SCAP: variants seen among roughly 807,000 people sequenced by gnomAD.
SCAP encodes sterol regulatory element-binding protein cleavage-activating protein.
In SCAP, 65 loss-of-function variants were observed where a neutral mutation model predicts 123.6. That is an observed-to-expected ratio of 0.53 (90% CI 0.43 to 0.65). SCAP has a LOEUF of 0.65. Ranked by LOEUF, SCAP falls within the 30% of genes least tolerant of loss-of-function variation. The pLI, the probability that SCAP is intolerant of heterozygous loss-of-function variation, is 0.00. For synonymous variants in SCAP, 740 were observed against 726.3 expected (o/e 1.02, Z -0.30); for missense variants, 1,398 against 1,712.5 (o/e 0.82, Z 3.24).
chr3:47,459,051 C>T (rs571775627), intron 1 of SCAP, among the ~76,000 whole-genome samples: 22 of 152,306 alleles, frequency 1.4e-4, no homozygotes, highest in Admixed American at 1.3e-3. Context: ...GTGATCTGCC[C>T]GCCTTGGCCT....
intron 1 of SCAP, among the ~76,000 whole-genome samples, chr3:47,473,084 A>AAAAAAAAAAAAAAAAAACAAAC (rs1368757741): frequency 1.9e-4 from 27 of 144,096 alleles, no homozygotes; most frequent in Non-Finnish European, 3.2e-4. Flanking sequence ...CCATCTCAAA[A>AAAAAAAAAAAAAAAAAACAAAC]AAAAAAAAAA....
At position 47,420,577 on chromosome 3, in the gene SCAP, G is replaced by A. The variant is rs1248501084; in HGVS notation, c.1540C>T (p.Arg514Cys). Reference sequence around the variant, plus strand: ...ACCATGATGAGGCGCTGTGCCAGGCGGGTGCGGGCCAGGAAGTAGACAACA... The same window carrying A: ...ACCATGATGAGGCGCTGTGCCAGGCAGGTGCGGGCCAGGAAGTAGACAACA... The part of the protein sequence containing the change: ...LRVVYFLART[R>C]LAQRLIMAGT... The change falls in exon 12 of 23, where the codon CGC (arginine) becomes TGC (cysteine). Residue 514 changes from arginine to cysteine, a missense_variant. Transcript: ENST00000265565. The surrounding 1 kb of genome is among the most constrained non-coding windows in gnomAD (Gnocchi z 5.0). 1.2e-6 allele frequency: 2 copies of A among 1,607,752 alleles called. No homozygotes were observed. The highest frequency in any genetic ancestry group is 1.1e-5 in the South Asian group (1 of 90,608).
intron 2 of SCAP, among the ~76,000 whole-genome samples, chr3:47,442,345 A>G (rs898360033): frequency 6.6e-6 from 1 of 152,162 alleles, no homozygotes; most frequent in African/African-American, 2.4e-5. Context: ...AGCTCTCACA[A>G]CTGTCCTTGG....
intron 18 of SCAP, 100 bp downstream of exon 18, chr3:47,417,021 AC>A (rs972965202): frequency 9.0e-6 from 9 of 1,002,646 alleles, no homozygotes; most frequent in Non-Finnish European, 1.4e-5. Context: ...ATCGAATCAT[AC>A]AGTACAGCAG....
At chr3:47,476,362 G>T (rs1708272497), upstream of SCAP, among the ~76,000 whole-genome samples, 1 of 152,164 alleles carries the variant, frequency 6.6e-6, no homozygotes, top group Non-Finnish European at 1.5e-5. Flanking sequence ...TCAGGAGGCT[G>T]AGGTAGGAGG....
intron 20 of SCAP, 29 bp from the exon 21 acceptor site, chr3:47,414,681 G>A (rs761196193): frequency 1.2e-6 from 2 of 1,612,858 alleles, no homozygotes; most frequent in South Asian, 2.2e-5. Context: ...TCAGGTTCTG[G>A]TCTCTGGGAT....
chr3:47,428,830 G>T, intron 3 of SCAP, 160 bp from the exon 4 acceptor site: 1 of 707,872 alleles, frequency 1.4e-6, no homozygotes, highest in Non-Finnish European at 2.2e-6. Context: ...TGGCAGATAA[G>T]AAAAGAAACA....
intron 1 of SCAP, among the ~76,000 whole-genome samples, chr3:47,464,788 C>G (rs1707765819): frequency 6.6e-6 from 1 of 152,084 alleles, no homozygotes; most frequent in African/African-American, 2.4e-5. Context: ...CCTCATTTAC[C>G]CTTTCTCTCC....
chr3:47,437,960 T>A (rs906726831), intron 2 of SCAP, among the ~76,000 whole-genome samples: 27 of 152,196 alleles, frequency 1.8e-4, no homozygotes, highest in African/African-American at 6.5e-4. Context: ...TACAAATTTA[T>A]GTTCCCACTA....
chr3:47,436,039 CCT>C (rs893735705), intron 2 of SCAP, among the ~76,000 whole-genome samples: 4 of 151,678 alleles, frequency 2.6e-5, no homozygotes, highest in African/African-American at 7.3e-5. Context: ...ACATAAGACC[CCT>C]GTCTCTGAAA....
At chr3:47,474,252 G>C in intron 1 of SCAP, among the ~76,000 whole-genome samples, 2 of 140,328 alleles carry the variant, frequency 1.4e-5, no homozygotes. Context: ...GCGACAGAGC[G>C]AGACTCCATC....
chr3:47,429,465 AC>A (rs1364478279), intron 3 of SCAP, among the ~76,000 whole-genome samples: 2 of 152,026 alleles, frequency 1.3e-5, no homozygotes, highest in Non-Finnish European at 2.9e-5. Context: ...CAGCACCCCC[AC>A]CCACCAAGTA....
intron 1 of SCAP, among the ~76,000 whole-genome samples, chr3:47,462,211 C>T (rs1276088371): frequency 6.6e-6 from 1 of 152,184 alleles, no homozygotes; most frequent in Non-Finnish European, 1.5e-5. Flanking sequence ...CACCACCATC[C>T]ATCTTTTTTA....
rs1705723584 is a variant in SCAP, at chr3:47,418,256, A to G, written c.2332-7T>C. On this transcript the variant is annotated splice_polypyrimidine_tract_variant and splice_region_variant and intron_variant, in intron 15 of 22. Coordinates refer to ENST00000265565, the MANE Select transcript of SCAP (RefSeq NM_012235.4). ...TGGCCAGGCACTCGATGTCCTGCAGAAGCCCGGTGTTGGTATGGGCCAGGC... is the reference window on the plus strand; with the variant it reads ...TGGCCAGGCACTCGATGTCCTGCAGGAGCCCGGTGTTGGTATGGGCCAGGC... 3.8e-6 allele frequency: 6 copies of G among 1,560,766 alleles called. No homozygotes were observed. Among genetic ancestry groups the G allele is most frequent in the Non-Finnish European group, 5.2e-6 (6 of 1,152,840 alleles).
chr3:47,415,228 C>T (rs201732400), intron 18 of SCAP, 48 bp from the exon 19 acceptor site: 113 of 1,518,710 alleles, frequency 7.4e-5, no homozygotes, highest in Non-Finnish European at 9.7e-5. Context: ...AGAGCCCCAG[C>T]CCTGGGGCTG....
At chr3:47,441,773 C>T (rs978340451) in intron 2 of SCAP, among the ~76,000 whole-genome samples, 3 of 152,058 alleles carry the variant, frequency 2.0e-5, no homozygotes, top group African/African-American at 7.2e-5. Context: ...AAGTCCCTAC[C>T]CCTCTTTGTT....
rs1279757737 is a variant in SCAP, at chr3:47,471,737, T to C, written c.-99+4062A>G. ...CAAATAAGCCACTGGTTCCCAAATG[T>C]TTTGATCATGAATGCCCAACAACAA... On this transcript the variant is annotated intron_variant, in intron 1 of 22. Coordinates refer to ENST00000265565, the MANE Select transcript of SCAP (RefSeq NM_012235.4). 2.6e-5 allele frequency among the ~76,000 whole-genome samples: 4 copies of C among 152,302 alleles called. No individual in the cohort carries two copies. The East Asian group carries it at 5.8e-4, about 22-fold the overall frequency.
Position 47,420,417 on chromosome 3 carries a change from C to T in SCAP, c.1563+137G>A. The T allele has an allele frequency of 2.6e-6, 2 of 765,646 alleles. No individual in the cohort carries two copies. Among genetic ancestry groups the T allele is most frequent in the South Asian group, 3.7e-5 (2 of 53,840 alleles). 47.4% of individuals were successfully genotyped at this position (765,646 alleles called of 1,614,324 possible). A position where few individuals can be genotyped will look rare whatever the true frequency, so the allele number is the denominator to read the frequency against. On this transcript the variant is annotated intron_variant, in intron 12 of 22. Transcript: ENST00000265565. The surrounding 1 kb of genome is among the most constrained non-coding windows in gnomAD (Gnocchi z 5.0). Reference sequence around the variant, plus strand: ...GGCAGGGAGGACACAACGGGCAACTCCCCAGAGCCAGGCTTCCAGGGGCCA... The same window carrying T: ...GGCAGGGAGGACACAACGGGCAACTTCCCAGAGCCAGGCTTCCAGGGGCCA...
chr3:47,426,006 A>C lies in SCAP; in HGVS notation c.901T>G (p.Phe301Val). ...CCTGCCATGAACCTACGCGTGGAGA[A>C]GTAGATGTAGGCAAACAAGATGATG... ...TYIILFAYIY[F>V]STRKIDMVKS... Residue 301 changes from phenylalanine to valine, a missense_variant, in exon 7 of 23, where the codon TTC (phenylalanine) becomes GTC (valine). Transcript: ENST00000265565. 1 of 1,614,158 alleles carries C rather than the reference A, an allele frequency of 6.2e-7. No homozygotes were observed. Among genetic ancestry groups the C allele is most frequent in the Non-Finnish European group, 8.5e-7 (1 of 1,180,028 alleles).
Sources: allele counts gnomAD v4.1 joint callset (sites outside exome capture counted in the v4.1 genomes callset), GRCh38; gene constraint gnomAD v4.1.1; non-coding constraint Gnocchi (gnomAD v3.1); transcripts MANE v1.5; gene names NCBI Gene and HGNC (gene_info 2026-07-23, HGNC 2026-07-21).